Variants in IGFL2 observed in about 807,000 individuals in gnomAD.
The protein encoded by IGFL2 is IGF like family member 2.
A neutral mutation model predicts 13.9 loss-of-function variants in IGFL2; 7 were observed. The observed-to-expected ratio is 0.51, with a 90% confidence interval of 0.29 to 0.95. The LOEUF is 0.95. Ranked by LOEUF, IGFL2 falls within the 40% of genes least tolerant of loss-of-function variation. The pLI, the probability that IGFL2 is intolerant of heterozygous loss-of-function variation, is 0.08. For synonymous variants in IGFL2, 55 were observed against 55.8 expected (o/e 0.99, Z 0.07); for missense variants, 138 against 147.8 (o/e 0.93, Z 0.34).
chr19:46,148,232 C>G, upstream of IGFL2: 1 of 1,540,246 alleles, frequency 6.5e-7, no homozygotes, highest in Non-Finnish European at 8.8e-7. Context: ...TATAAAGTCA[C>G]TGACCCATTT....
At chr19:46,089,491 T>G in the IGFL2 span, among the ~76,000 whole-genome samples, 1 of 152,230 alleles carries the variant, frequency 6.6e-6, no homozygotes, top group African/African-American at 2.4e-5. Flanking sequence ...GTGTTACTCA[T>G]TAGCATTTTT....
At chr19:46,168,309 G>C in the IGFL2 span, among the ~76,000 whole-genome samples, 1 of 152,196 alleles carries the variant, frequency 6.6e-6, no homozygotes. Flanking sequence ...CATCAGTTTT[G>C]AGTTTGGACA....
chr19:46,159,523 C>G (rs1440731272), intron 1 of IGFL2: 1 of 152,126 alleles, frequency 6.6e-6, no homozygotes, highest in African/African-American at 2.4e-5. Flanking sequence ...AAACGAACAC[C>G]CTTCCTCTTA....
downstream of IGFL2, among the ~76,000 whole-genome samples, chr19:46,161,906 A>G (rs1974188036): frequency 6.6e-6 from 1 of 152,190 alleles, no homozygotes; most frequent in South Asian, 2.1e-4. Context: ...GTTGCTTTAT[A>G]GTGACACTGG....
the IGFL2 span, among the ~76,000 whole-genome samples, chr19:46,108,183 A>T: frequency 6.6e-6 from 1 of 152,076 alleles, no homozygotes; most frequent in Admixed American, 6.5e-5. Context: ...GTAGTAAAGG[A>T]GGATTCAAAG....
chr19:46,153,112 T>C (rs1973597237), intron 1 of IGFL2, among the ~76,000 whole-genome samples: 1 of 152,332 alleles, frequency 6.6e-6, no homozygotes, highest in Middle Eastern at 3.4e-3. Flanking sequence ...TCATAAGAGA[T>C]GTTGGTCTGT....
chr19:46,201,923 A>C, the IGFL2 span, among the ~76,000 whole-genome samples: 1 of 149,946 alleles, frequency 6.7e-6, no homozygotes, highest in Non-Finnish European at 1.5e-5. Context: ...CAGGTTGGGG[A>C]GGGCTAGTCA....
At chr19:46,084,985 A>C in the IGFL2 span, among the ~76,000 whole-genome samples, 2 of 152,218 alleles carry the variant, frequency 1.3e-5, no homozygotes, top group African/African-American at 2.4e-5. Context: ...TCATCTGGAC[A>C]TGAATTCCTT....
At chr19:46,182,196 G>A in the IGFL2 span, among the ~76,000 whole-genome samples, 179 of 151,776 alleles carry the variant, frequency 1.2e-3, no homozygotes, top group African/African-American at 3.9e-3. Context: ...GTGAAACCCC[G>A]TCTCTACTAA....
the IGFL2 span, among the ~76,000 whole-genome samples, chr19:46,103,681 G>A: frequency 6.6e-6 from 1 of 152,184 alleles, no homozygotes; most frequent in South Asian, 2.1e-4. Context: ...GAAGATAGTA[G>A]GGATGACAAG....
chr19:46,205,723 G>GT, the IGFL2 span, among the ~76,000 whole-genome samples: 7 of 152,164 alleles, frequency 4.6e-5, no homozygotes, highest in Non-Finnish European at 8.8e-5. Context: ...TGAACCTTGT[G>GT]TATTTACCCC....
the IGFL2 span, chr19:46,204,725 G>T: frequency 6.6e-6 from 1 of 152,196 alleles, no homozygotes; most frequent in African/African-American, 2.4e-5. Context: ...AATTGTAATG[G>T]ACTTCAGGAG....
chr19:46,170,939 C>T, the IGFL2 span, among the ~76,000 whole-genome samples: 1 of 152,168 alleles, frequency 6.6e-6, no homozygotes, highest in East Asian at 1.9e-4. Context: ...TGATCTCGCC[C>T]TGACCTTCTG....
the IGFL2 span, among the ~76,000 whole-genome samples, chr19:46,096,965 G>A: frequency 6.6e-6 from 1 of 152,200 alleles, no homozygotes; most frequent in African/African-American, 2.4e-5. Context: ...AGGGATATTG[G>A]CCTGAAGTTT....
chr19:46,149,181 TCTCTCTTTCTCTCTCC>T (rs1161034518), intron 1 of IGFL2: 137 of 540,270 alleles, frequency 2.5e-4, no homozygotes, highest in African/African-American at 1.4e-3. Flanking sequence ...CTCTCTTCTC[TCTCTCTTTCTCTCTCC>T]CTCTCTTTCT....
chr19:46,145,188 C>T (rs1973054760), upstream of IGFL2, among the ~76,000 whole-genome samples: 1 of 152,012 alleles, frequency 6.6e-6, no homozygotes, highest in Non-Finnish European at 1.5e-5. Context: ...TTTATAAAAA[C>T]AGCCAAAATG....
chr19:46,079,940 A>G, the IGFL2 span, among the ~76,000 whole-genome samples: 3 of 152,200 alleles, frequency 2.0e-5, no homozygotes, highest in African/African-American at 7.2e-5. Context: ...TGAGCCCTAA[A>G]CACAGTAGAT....
chr19:46,105,521 C>G, the IGFL2 span, among the ~76,000 whole-genome samples: 2 of 152,020 alleles, frequency 1.3e-5, no homozygotes, highest in Admixed American at 6.6e-5. Context: ...CAGAGAGATA[C>G]AGTTATGGGG....
chr19:46,081,857 AT>A, the IGFL2 span, among the ~76,000 whole-genome samples: 5 of 152,204 alleles, frequency 3.3e-5, no homozygotes, highest in African/African-American at 1.2e-4. Context: ...GTAAATGTCC[AT>A]CCCTTGTGGA....
Sources: allele counts gnomAD v4.1 joint callset (sites outside exome capture counted in the v4.1 genomes callset), GRCh38; gene constraint gnomAD v4.1.1; transcripts MANE v1.5; gene names NCBI Gene and HGNC (gene_info 2026-07-23, HGNC 2026-07-21).